The following TUSC3 variants were observed in gnomAD, a reference collection of about 807,000 sequenced individuals.
TUSC3 encodes the protein tumor suppressor candidate 3.
TUSC3 carries 45 observed loss-of-function variants against 44.8 expected under a neutral mutation model. The ratio of observed to expected loss-of-function variants is 1.00; its 90% CI spans 0.79 to 1.29. TUSC3 has a LOEUF of 1.29. Ranked by LOEUF, TUSC3 falls within the 50% of genes most tolerant of loss-of-function variation. TUSC3 has a pLI of 0.00. For missense variants in TUSC3, 519 were observed against 437.9 expected, an observed-to-expected ratio of 1.19 and a Z score of -1.65; for synonymous variants, 212 against 152.9, an observed-to-expected ratio of 1.39 and a Z score of -2.85.
At chr8:15,747,752 T>C (rs539835724) in intron 8 of TUSC3, among the ~76,000 whole-genome samples, 5 of 152,192 alleles carry the variant, frequency 3.3e-5, no homozygotes, top group African/African-American at 1.2e-4. Flanking sequence ...CTCAGTTTCT[T>C]TGTAAGACAA....
intron 1 of TUSC3, among the ~76,000 whole-genome samples, chr8:15,465,690 A>G (rs1800405349): frequency 6.6e-6 from 1 of 152,236 alleles, no homozygotes; most frequent in African/African-American, 2.4e-5. Context: ...AACACCTTTC[A>G]TCAAAAGATG....
At chr8:15,606,737 T>C (rs2129156982) in intron 1 of TUSC3, among the ~76,000 whole-genome samples, 1 of 152,236 alleles carries the variant, frequency 6.6e-6, no homozygotes, top group East Asian at 1.9e-4. Flanking sequence ...GTACTTTGTC[T>C]GATTATTTCT....
chr8:15,522,077 C>T (rs1227245058), intron 2 of TUSC3, among the ~76,000 whole-genome samples: 3 of 152,198 alleles, frequency 2.0e-5, no homozygotes, highest in Admixed American at 1.3e-4. Flanking sequence ...CAAGGCATTT[C>T]TGAAATCTTC....
At chr8:15,471,496 C>T (rs747702262) in intron 1 of TUSC3, among the ~76,000 whole-genome samples, 64 of 151,860 alleles carry the variant, frequency 4.2e-4, no homozygotes, top group Non-Finnish European at 7.4e-4. Context: ...TTTTCTTCAT[C>T]TCTAAAATGA....
intron 6 of TUSC3, among the ~76,000 whole-genome samples, chr8:15,707,557 A>G (rs1179646691): frequency 6.6e-6 from 1 of 151,978 alleles, no homozygotes; most frequent in Admixed American, 6.6e-5. Flanking sequence ...ATGATATGTA[A>G]GTAGACAACA....
intron 2 of TUSC3, among the ~76,000 whole-genome samples, chr8:15,649,103 G>A (rs1585191764): frequency 6.6e-6 from 1 of 152,136 alleles, no homozygotes. Flanking sequence ...TTATAAGTAT[G>A]TTAGTTACAG....
chr8:15,545,031 T>G (rs574449679), intron 1 of TUSC3, among the ~76,000 whole-genome samples: 1 of 151,960 alleles, frequency 6.6e-6, no homozygotes, highest in South Asian at 2.1e-4. Flanking sequence ...TACATACGTA[T>G]TATGTGTTAC....
chr8:15,766,019 C>T lies in TUSC3; in HGVS notation c.*1863C>T, dbSNP rs1812315918. ...CTCACTGTAAATCTTTTAATCATAT[C>T]AAAGTCAGGTCATCCTCAGACACTA... On this transcript the variant is annotated 3_prime_UTR_variant, in exon 11 of 11. Transcript: ENST00000503731. 6.6e-6 allele frequency: 1 copy of T among 152,040 alleles called. No homozygotes were observed. Among genetic ancestry groups the T allele is most frequent in the African/African-American group, 2.4e-5 (1 of 41,420 alleles). The allele number at this position is 152,040 out of a possible 1,614,324, so 9.4% of individuals were successfully genotyped here. A position where few individuals can be genotyped will look rare whatever the true frequency, so the allele number is the denominator to read the frequency against.
At chr8:15,421,548 A>G (rs1799737220) in intron 1 of TUSC3, among the ~76,000 whole-genome samples, 1 of 152,166 alleles carries the variant, frequency 6.6e-6, no homozygotes, top group Admixed American at 6.5e-5. Flanking sequence ...ACTTATTGCC[A>G]TCTGAAACAC....
In TUSC3 at chr8:15,472,899, A is replaced by AT. The variant is rs1245753909; in HGVS notation, n.92-10486dup. On this transcript the variant is annotated intron_variant and non_coding_transcript_variant, in intron 1 of 5. Transcript: ENST00000503191. ...TGACTGATCATCTCCACAGCTCCAC[A>AT]TACAGAAGTTGATAATATCTTGGTC... Among the ~76,000 whole-genome samples the AT allele has an allele frequency of 9.2e-5, 14 of 152,232 alleles. 1 individual carries two copies. The highest frequency in any genetic ancestry group is 1.5e-4 in the Non-Finnish European group (10 of 68,046).
chr8:15,509,071 T>C (rs923716400), intron 2 of TUSC3, among the ~76,000 whole-genome samples: 13 of 152,092 alleles, frequency 8.5e-5, no homozygotes, highest in African/African-American at 2.2e-4. Flanking sequence ...CTTTGAGGAA[T>C]GAGAGAAGAA....
rs770272071 is a variant in TUSC3, at chr8:15,540,517, CCTG to C, written c.99_101del (p.Leu34del). 4.3e-5 allele frequency: 69 copies of C among 1,607,268 alleles called. No homozygotes were observed. Among genetic ancestry groups the C allele is most frequent in the Non-Finnish European group, 5.0e-5 (59 of 1,177,444 alleles). ...CCACCGGGAGCTTTCCCTTCCTTCT[CCTG>C]CTGCTGCTGCTCTGCATCCAGCTCG... is the stretch of plus-strand genomic sequence containing the variant. On this transcript the variant is annotated inframe_deletion, in exon 1 of 11. Coordinates refer to ENST00000503731, the MANE Select transcript of TUSC3 (RefSeq NM_006765.4).
At chr8:15,692,375 G>GTTTTTTTTTTTTTTTTTTTTTTTTTTT (rs59838929) in intron 6 of TUSC3, among the ~76,000 whole-genome samples, 1 of 68,340 alleles carries the variant, frequency 1.5e-5, no homozygotes. Flanking sequence ...CCCCCCCTTT[G>GTTTTTTTTTTTTTTTTTTTTTTTTTTT]TTTTTTTTTT....
the TUSC3 span, among the ~76,000 whole-genome samples, chr8:15,791,324 T>G: frequency 9.2e-5 from 14 of 151,930 alleles, no homozygotes; most frequent in African/African-American, 3.4e-4. Flanking sequence ...GAAATACGAT[T>G]ATCCATAGTG....
intron 1 of TUSC3, among the ~76,000 whole-genome samples, chr8:15,607,876 C>T (rs1428304455): frequency 6.6e-6 from 1 of 152,114 alleles, no homozygotes; most frequent in African/African-American, 2.4e-5. Flanking sequence ...TCTTCCCTGT[C>T]AGCAAATATT....
intron 1 of TUSC3, among the ~76,000 whole-genome samples, chr8:15,419,748 C>G (rs891812340): frequency 6.6e-6 from 1 of 152,276 alleles, no homozygotes; most frequent in Non-Finnish European, 1.5e-5. Context: ...TAAACTAAGT[C>G]TCAGTTTCCT....
At chr8:15,659,767 G>A (rs959209636) in intron 4 of TUSC3, 120 bp downstream of exon 4, 18 of 1,346,570 alleles carry the variant, frequency 1.3e-5, no homozygotes, top group Admixed American at 1.7e-5. Flanking sequence ...CTTGCATAGA[G>A]AAAACTGTTC....
chr8:15,587,661 A>G (rs928301170), intron 1 of TUSC3, among the ~76,000 whole-genome samples: 1 of 152,076 alleles, frequency 6.6e-6, no homozygotes. Context: ...AGAACACTAG[A>G]ACTTATTCCT....
At chr8:15,495,230 T>C (rs1800866182) in intron 2 of TUSC3, among the ~76,000 whole-genome samples, 1 of 152,180 alleles carries the variant, frequency 6.6e-6, no homozygotes, top group African/African-American at 2.4e-5. Flanking sequence ...TTGCCATCCC[T>C]CTCTGGGATA....
Sources: gnomAD v4.1 joint callset for allele counts (sites outside exome capture counted in the v4.1 genomes callset) on GRCh38, gnomAD v4.1.1 for gene constraint, MANE v1.5 for transcripts, NCBI Gene and HGNC (gene_info 2026-07-23, HGNC 2026-07-21) for gene names.